MICAL2: variants seen among roughly 807,000 people sequenced by gnomAD.
MICAL2 encodes [F-actin]-monooxygenase MICAL2.
MICAL2 carries 77 observed loss-of-function variants against 127.3 expected under a neutral mutation model. That is an observed-to-expected ratio of 0.60 (90% CI 0.50 to 0.73). MICAL2 has a LOEUF of 0.73. Ranked by LOEUF, MICAL2 falls within the 30% of genes least tolerant of loss-of-function variation. The pLI, the probability that MICAL2 is intolerant of heterozygous loss-of-function variation, is 0.00. For missense variants in MICAL2, 1,351 were observed against 1,434.4 expected (o/e 0.94, Z 0.94); for synonymous variants, 570 against 551.1 (o/e 1.03, Z -0.48).
At chr11:12,228,960 G>A (rs1857843754) in intron 15 of MICAL2, among the ~76,000 whole-genome samples, 1 of 152,172 alleles carries the variant, frequency 6.6e-6, no homozygotes, top group African/African-American at 2.4e-5. Flanking sequence ...CCTGCCCAGA[G>A]CTTGCCTGCC....
intron 5 of MICAL2, chr11:12,208,510 C>G (rs982396282): frequency 5.2e-6 from 1 of 192,584 alleles, no homozygotes; most frequent in African/African-American, 2.4e-5. Flanking sequence ...TGTGGTTGTA[C>G]TTGTACCCAT....
intron 2 of MICAL2, among the ~76,000 whole-genome samples, chr11:12,143,247 T>G (rs934899860): frequency 6.6e-6 from 1 of 152,078 alleles, no homozygotes; most frequent in South Asian, 2.1e-4. Context: ...AGGGCCTGAT[T>G]TGGTGTTTAG....
chr11:12,263,801 T>C (rs941656108), downstream of MICAL2: 4 of 152,646 alleles, frequency 2.6e-5, no homozygotes, highest in African/African-American at 7.2e-5. Flanking sequence ...TTGTTTCCTC[T>C]CTTCTTTGCC....
intron 3 of MICAL2, among the ~76,000 whole-genome samples, chr11:12,176,606 A>G (rs528304373): frequency 6.6e-6 from 1 of 152,310 alleles, no homozygotes; most frequent in East Asian, 1.9e-4. Context: ...TGTAAAACTG[A>G]AACTCTACCC....
Position 12,224,892 on chromosome 11 carries a change from C to T in MICAL2, c.1688+72C>T, listed in dbSNP as rs1188090010. On this transcript the variant is annotated intron_variant, in intron 13 of 27. Transcript: ENST00000683283. Reference sequence around the variant, plus strand: ...GCCATTCTGCTGCATGCAGAATCTTCATTACTTGGTTCAATATTTCTCTTT... The same window carrying T: ...GCCATTCTGCTGCATGCAGAATCTTTATTACTTGGTTCAATATTTCTCTTT... 2.0e-6 allele frequency: 3 copies of T among 1,507,088 alleles called. No homozygotes were observed. In the South Asian group the frequency reaches 3.6e-5, roughly 18 times the overall value. The allele number at this position is 1,507,088 out of a possible 1,614,324, so 93.4% of individuals were successfully genotyped here. A position where few individuals can be genotyped will look rare whatever the true frequency, so the allele number is the denominator to read the frequency against.
At chr11:12,113,083 C>G (rs879269468) in intron 1 of MICAL2, among the ~76,000 whole-genome samples, 5 of 152,062 alleles carry the variant, frequency 3.3e-5, no homozygotes, top group African/African-American at 4.8e-5. Context: ...CATTGCTGAT[C>G]CTAGATGTCC....
intron 1 of MICAL2, among the ~76,000 whole-genome samples, chr11:12,124,912 C>T (rs1850790966): frequency 6.6e-6 from 1 of 152,240 alleles, no homozygotes; most frequent in South Asian, 2.1e-4. Context: ...ATTGTTTTTC[C>T]TCCACAGTTC....
intron 32 of MICAL2, among the ~76,000 whole-genome samples, chr11:12,347,108 C>T (rs1374222187): frequency 6.6e-6 from 1 of 152,030 alleles, no homozygotes; most frequent in African/African-American, 2.4e-5. Context: ...GTCTTCTTCC[C>T]CATTGCCTTG....
At chr11:12,239,310 C>T in intron 16 of MICAL2, 126 bp from the exon 17 acceptor site, 11 of 1,327,394 alleles carry the variant, frequency 8.3e-6, no homozygotes, top group Middle Eastern at 2.6e-4. Flanking sequence ...CCTCTGCCTC[C>T]CTTCCTCAGA....
intron 3 of MICAL2, among the ~76,000 whole-genome samples, chr11:12,167,216 A>C (rs1328557213): frequency 6.7e-6 from 1 of 150,018 alleles, no homozygotes; most frequent in African/African-American, 2.4e-5. Context: ...ACTCGCAGGA[A>C]ATGACTCATG....
At chr11:12,346,622 A>C (rs1276637555) in intron 32 of MICAL2, among the ~76,000 whole-genome samples, 1 of 152,076 alleles carries the variant, frequency 6.6e-6, no homozygotes, top group Non-Finnish European at 1.5e-5. Context: ...CTCCTCTCTG[A>C]GGCTTTCCCT....
intron 12 of MICAL2, among the ~76,000 whole-genome samples, chr11:12,223,745 C>T (rs1332130261): frequency 1.3e-5 from 2 of 152,226 alleles, no homozygotes; most frequent in Non-Finnish European, 1.5e-5. Flanking sequence ...GAGCTTCACA[C>T]AGTAAACATG....
intron 32 of MICAL2, among the ~76,000 whole-genome samples, chr11:12,333,359 CA>C (rs35548022): frequency 0.5 from 72,723 of 145,622 alleles, 19,109 homozygotes; most frequent in Non-Finnish European, 0.61. Context: ...AAACTTTTAG[CA>C]AAAAAAAAAA....
At chr11:12,316,439 A>AT (rs1186635679) in intron 29 of MICAL2, among the ~76,000 whole-genome samples, 2 of 149,882 alleles carry the variant, frequency 1.3e-5, no homozygotes, top group Non-Finnish European at 3.0e-5. Flanking sequence ...TATAAATGAG[A>AT]TTTTTTTCAT....
intron 21 of MICAL2, among the ~76,000 whole-genome samples, chr11:12,247,258 G>A (rs966909486): frequency 2.4e-4 from 37 of 152,218 alleles, no homozygotes; most frequent in African/African-American, 8.4e-4. Flanking sequence ...GCCAACCCCA[G>A]ATCTGCTGTC....
At chr11:12,188,589 G>C (rs1858637810) in intron 3 of MICAL2, among the ~76,000 whole-genome samples, 1 of 152,138 alleles carries the variant, frequency 6.6e-6, no homozygotes, top group African/African-American at 2.4e-5. Context: ...CAGTTCTATT[G>C]TATAGCACTG....
intron 1 of MICAL2, among the ~76,000 whole-genome samples, chr11:12,125,524 G>A (rs1850847806): frequency 6.6e-6 from 1 of 152,066 alleles, no homozygotes; most frequent in South Asian, 2.1e-4. Context: ...AAATTGCTGG[G>A]ATTACAGGCG....
downstream of MICAL2, among the ~76,000 whole-genome samples, chr11:12,267,118 G>A (rs1045791748): frequency 6.6e-6 from 1 of 152,100 alleles, no homozygotes; most frequent in Admixed American, 6.5e-5. Context: ...ACCTCCCTTC[G>A]GACACCCAGG....
intron 21 of MICAL2, among the ~76,000 whole-genome samples, chr11:12,248,980 T>C (rs1443978042): frequency 2.0e-5 from 3 of 152,198 alleles, no homozygotes; most frequent in African/African-American, 7.2e-5. Flanking sequence ...TGGACAAGTT[T>C]GTGAACCTCT....
Sources: allele counts gnomAD v4.1 joint callset (sites outside exome capture counted in the v4.1 genomes callset), GRCh38; gene constraint gnomAD v4.1.1; transcripts MANE v1.5; gene names NCBI Gene and HGNC (gene_info 2026-07-23, HGNC 2026-07-21).